Variants in PLXNA4 observed in about 807,000 individuals in gnomAD.
The protein encoded by PLXNA4 is plexin-A4.
A neutral mutation model predicts 191.8 loss-of-function variants in PLXNA4; 44 were observed. That is an observed-to-expected ratio of 0.23 (90% CI 0.18 to 0.29). The LOEUF (loss-of-function observed/expected upper bound fraction) is 0.29. Ranked by LOEUF, PLXNA4 falls within the 10% of genes least tolerant of loss-of-function variation. The pLI is 1.00. For synonymous variants in PLXNA4, 1,082 were observed against 1,009.5 expected (o/e 1.07, Z -1.36); for missense variants, 1,800 against 2,488.8 (o/e 0.72, Z 5.89).
chr7:132,535,315 C>T (rs926817939), intron 1 of PLXNA4, among the ~76,000 whole-genome samples: 12 of 152,220 alleles, frequency 7.9e-5, no homozygotes, highest in African/African-American at 2.4e-4. Flanking sequence ...AGAGACCAAA[C>T]GTCATTCCCC....
At chr7:132,570,716 G>A (rs145949892) in intron 1 of PLXNA4, among the ~76,000 whole-genome samples, 222 of 152,338 alleles carry the variant, frequency 1.5e-3, no homozygotes, top group Non-Finnish European at 2.4e-3. Context: ...GCTGTGTTCA[G>A]CGCATTGACT....
At chr7:132,186,523 C>A (rs1022596373) in intron 15 of PLXNA4, among the ~76,000 whole-genome samples, 2 of 152,332 alleles carry the variant, frequency 1.3e-5, no homozygotes, top group Admixed American at 6.5e-5. Context: ...GGTCTCCAGA[C>A]TGAGCCCAAA....
chr7:132,482,026 A>G (rs1472148670), intron 3 of PLXNA4, among the ~76,000 whole-genome samples: 2 of 152,148 alleles, frequency 1.3e-5, no homozygotes, highest in African/African-American at 4.8e-5. Flanking sequence ...GTCCTTTTCC[A>G]CACTACTAAA....
chr7:132,582,879 G>A (rs981083824), intron 2 of PLXNA4, among the ~76,000 whole-genome samples: 1 of 152,126 alleles, frequency 6.6e-6, no homozygotes, highest in African/African-American at 2.4e-5. Flanking sequence ...GACAAAGTGG[G>A]GCATGCTTGA....
chr7:132,147,853 C>T, intron 27 of PLXNA4, 47 bp downstream of exon 27: 1 of 1,612,404 alleles, frequency 6.2e-7, no homozygotes, highest in Non-Finnish European at 8.5e-7. Context: ...ATGACAACAG[C>T]TGCTCAGGAC....
intron 1 of PLXNA4, among the ~76,000 whole-genome samples, chr7:132,513,383 G>T (rs1798808401): frequency 6.6e-6 from 1 of 152,042 alleles, no homozygotes; most frequent in East Asian, 1.9e-4. Context: ...GTATTTATAA[G>T]TATGCCTTCT....
chr7:132,235,091 C>T (rs941891187), intron 5 of PLXNA4, among the ~76,000 whole-genome samples: 2 of 152,194 alleles, frequency 1.3e-5, no homozygotes, highest in Non-Finnish European at 2.9e-5. Flanking sequence ...GAAGACTTCC[C>T]AACAGTGGGC....
intron 3 of PLXNA4, among the ~76,000 whole-genome samples, chr7:132,414,779 T>A (rs2117111263): frequency 6.6e-6 from 1 of 152,240 alleles, no homozygotes; most frequent in South Asian, 2.1e-4. Flanking sequence ...ATGAGAGGCA[T>A]AGGATGTGCT....
upstream of PLXNA4, chr7:132,576,502 C>G (rs1359600244): frequency 1.8e-5 from 18 of 985,090 alleles, no homozygotes; most frequent in African/African-American, 3.5e-5. This position sits in a 1 kb window ranked among gnomAD's most constrained non-coding sequence, Gnocchi z 5.8. Flanking sequence ...GCCTCTCGCC[C>G]TCCTCTGAAC....
chr7:132,551,992 G>A (rs980711952), intron 1 of PLXNA4, among the ~76,000 whole-genome samples: 28 of 152,114 alleles, frequency 1.8e-4, no homozygotes, highest in African/African-American at 5.1e-4. Flanking sequence ...TGAAGGGGGT[G>A]GGGGGAAGGA....
intron 5 of PLXNA4, among the ~76,000 whole-genome samples, chr7:132,235,293 A>G (rs1798661960): frequency 6.6e-6 from 1 of 152,208 alleles, no homozygotes; most frequent in South Asian, 2.1e-4. Flanking sequence ...CCCCTCCCTT[A>G]ATTTTCATAG....
intron 3 of PLXNA4, among the ~76,000 whole-genome samples, chr7:132,365,354 T>TGCGCGCGCGC (rs1318200658): frequency 2.4e-4 from 30 of 125,864 alleles, no homozygotes; most frequent in Admixed American, 7.9e-4. Flanking sequence ...TGTGTGTGTG[T>TGCGCGCGCGC]GTGTGTGCGT....
intron 15 of PLXNA4, among the ~76,000 whole-genome samples, chr7:132,185,696 C>T (rs961470250): frequency 9.2e-5 from 14 of 152,192 alleles, no homozygotes; most frequent in African/African-American, 3.4e-4. Context: ...CTGTCTTTGG[C>T]CTGTCTAGCC....
chr7:132,501,938 C>T (rs10808264), intron 2 of PLXNA4, among the ~76,000 whole-genome samples: 66,955 of 151,846 alleles, frequency 0.44, 15,956 homozygotes, highest in East Asian at 0.73. Flanking sequence ...AAGGATGGTG[C>T]GGGGAAGAGG....
intron 30 of PLXNA4, among the ~76,000 whole-genome samples, chr7:132,137,144 C>G (rs1199289361): frequency 6.6e-6 from 1 of 152,176 alleles, no homozygotes; most frequent in Non-Finnish European, 1.5e-5. Flanking sequence ...ATCTTGCTCC[C>G]AGGGTAAGCT....
At chr7:132,321,143 C>T (rs780675111) in intron 3 of PLXNA4, among the ~76,000 whole-genome samples, 9 of 152,146 alleles carry the variant, frequency 5.9e-5, no homozygotes, top group African/African-American at 1.9e-4. Context: ...GCTCTCCGTC[C>T]GCCACCCCCT....
chr7:132,431,896 T>C (rs1190075737), intron 3 of PLXNA4, among the ~76,000 whole-genome samples: 1 of 152,206 alleles, frequency 6.6e-6, no homozygotes, highest in African/African-American at 2.4e-5. Flanking sequence ...TGCTCACACC[T>C]GAGACGAGGA....
chr7:132,446,577 A>G (rs1024241356), intron 3 of PLXNA4, among the ~76,000 whole-genome samples: 10 of 152,212 alleles, frequency 6.6e-5, no homozygotes, highest in Non-Finnish European at 1.5e-4. Flanking sequence ...GCCTCCTCGA[A>G]GAGAAGTGAA....
chr7:132,465,552 G>A (rs2117383642), intron 3 of PLXNA4, among the ~76,000 whole-genome samples: 1 of 152,266 alleles, frequency 6.6e-6, no homozygotes, highest in East Asian at 1.9e-4. Flanking sequence ...TTCCTAGTGG[G>A]AAAATGTAGT....
Sources: allele counts gnomAD v4.1 joint callset (sites outside exome capture counted in the v4.1 genomes callset), GRCh38; gene constraint gnomAD v4.1.1; non-coding constraint Gnocchi (gnomAD v3.1); transcripts MANE v1.5; gene names NCBI Gene and HGNC (gene_info 2026-07-23, HGNC 2026-07-21).